KBTBD12: variants seen among roughly 807,000 people sequenced by gnomAD.
KBTBD12 encodes the protein kelch repeat and BTB domain containing 12, also known as kelch repeat and BTB domain-containing protein 12.
A neutral mutation model predicts 58.7 loss-of-function variants in KBTBD12; 53 were observed. The observed-to-expected ratio is 0.90, with a 90% confidence interval of 0.72 to 1.14. KBTBD12 has a LOEUF of 1.14. Ranked by LOEUF, KBTBD12 falls within the 50% of genes most tolerant of loss-of-function variation. The pLI, the probability that KBTBD12 is intolerant of heterozygous loss-of-function variation, is 0.00. For synonymous variants in KBTBD12, 236 were observed against 259.8 expected, an observed-to-expected ratio of 0.91 and a Z score of 0.88; for missense variants, 704 against 751.3, an observed-to-expected ratio of 0.94 and a Z score of 0.74.
rs56216317 is a variant in KBTBD12, at chr3:127,945,164, C to CTTTTTT, written c.1492+14914_1492+14919dup. Reference sequence around the variant, plus strand: ...TGTTTTTTTTAAAAATAGTAGCTATCTTTTTTTTTTTTTTTTTTTTTTTTT... The same window carrying CTTTTTT: ...TGTTTTTTTTAAAAATAGTAGCTATCTTTTTTTTTTTTTTTTTTTTTTTTTTTTTTT... On this transcript the variant is annotated intron_variant, in intron 4 of 5. Coordinates refer to ENST00000405109, the MANE Select transcript of KBTBD12 (RefSeq NM_207335.4). Among the ~76,000 whole-genome samples, 177 of 28,770 alleles carry CTTTTTT rather than the reference C, an allele frequency of 6.2e-3. 69 individuals are homozygous for CTTTTTT. The highest frequency in any genetic ancestry group is 0.021 in the East Asian group (21 of 980). 18.9% of individuals were successfully genotyped at this position (28,770 alleles called of 152,430 possible).
intron 5 of KBTBD12, among the ~76,000 whole-genome samples, chr3:127,975,384 A>ATCTG (rs1940766066): frequency 6.6e-6 from 1 of 152,336 alleles, no homozygotes; most frequent in African/African-American, 2.4e-5. Context: ...TATGGCTGAC[A>ATCTG]TCTGGTATGT....
intron 4 of KBTBD12, among the ~76,000 whole-genome samples, chr3:127,938,584 T>C (rs1939877385): frequency 6.6e-6 from 1 of 152,156 alleles, no homozygotes; most frequent in South Asian, 2.1e-4. Context: ...TACCAACAAT[T>C]ATATTAAATG....
Position 127,984,084 on chromosome 3 carries a change from T to C in KBTBD12, c.1691-13T>C. 1 of 1,609,960 alleles carries C rather than the reference T, an allele frequency of 6.2e-7. No individual in the cohort carries two copies. The highest frequency in any genetic ancestry group is 8.5e-7 in the Non-Finnish European group (1 of 1,177,584). ...ACATGAGATTTTTGTCTTCCCACTT[T>C]GCTGTTTTTCAGATCGCCATGAGGT... On this transcript the variant is annotated splice_polypyrimidine_tract_variant and intron_variant, in intron 5 of 5. Transcript: ENST00000405109.
intron 1 of KBTBD12, among the ~76,000 whole-genome samples, chr3:127,917,658 A>G (rs2107584199): frequency 6.6e-6 from 1 of 152,336 alleles, no homozygotes; most frequent in Non-Finnish European, 1.5e-5. Flanking sequence ...TAGTGTACAG[A>G]AAGGTATTTA....
intron 2 of KBTBD12, among the ~76,000 whole-genome samples, 181 bp downstream of exon 2, chr3:127,924,312 TTA>T (rs201049678): frequency 8.8e-5 from 13 of 148,146 alleles, no homozygotes; most frequent in East Asian, 3.9e-4. Context: ...GTGTATACAT[TTA>T]TATATATATA....
chr3:127,961,163 G>C (rs1019714495), intron 4 of KBTBD12, among the ~76,000 whole-genome samples: 1 of 152,072 alleles, frequency 6.6e-6, no homozygotes, highest in Non-Finnish European at 1.5e-5. Flanking sequence ...TACCTTATGG[G>C]TGATTGCTTG....
intron 5 of KBTBD12, among the ~76,000 whole-genome samples, chr3:127,981,997 G>A (rs1940882038): frequency 6.6e-6 from 1 of 152,074 alleles, no homozygotes; most frequent in African/African-American, 2.4e-5. Context: ...CCATAAAATT[G>A]TTAAATAGGC....
chr3:127,973,393 G>C (rs1480787344), intron 5 of KBTBD12, among the ~76,000 whole-genome samples: 1 of 152,184 alleles, frequency 6.6e-6, no homozygotes, highest in Admixed American at 6.5e-5. Flanking sequence ...TAATAACAAA[G>C]TATAATGTGT....
intron 5 of KBTBD12, among the ~76,000 whole-genome samples, chr3:127,966,263 A>C (rs143216169): frequency 6.6e-6 from 1 of 152,202 alleles, no homozygotes; most frequent in Non-Finnish European, 1.5e-5. Context: ...ACCAGCCCCC[A>C]ACTAAGGCAA....
intron 4 of KBTBD12, among the ~76,000 whole-genome samples, chr3:127,937,332 C>A (rs540002158): frequency 2.0e-5 from 3 of 152,006 alleles, no homozygotes; most frequent in South Asian, 2.1e-4. Flanking sequence ...AGAGAATGAT[C>A]AAAAATGTTT....
Position 127,923,725 on chromosome 3 carries a change from T to C in KBTBD12, c.664T>C (p.Leu222=), listed in dbSNP as rs1225501512. 6.2e-7 allele frequency: 1 copy of C among 1,613,770 alleles called. No individual in the cohort carries two copies. Among genetic ancestry groups the C allele is most frequent in the Non-Finnish European group, 8.5e-7 (1 of 1,179,838 alleles). ...HLVELLKQVR[L]ELVNPSFLRQ... ...TGTTGAGCTTTTGAAGCAAGTCAGA[T>C]TGGAACTTGTAAATCCTTCTTTTTT... Residue 222 remains leucine, a synonymous_variant, in exon 2 of 6, where the codon TTG becomes CTG. Transcript: ENST00000405109.
rs561962783 is a variant in KBTBD12, at chr3:127,963,228, G to T, written c.1532G>T (p.Arg511Leu). The T allele has an allele frequency of 3.7e-6, 6 of 1,612,020 alleles. No homozygotes were observed. In the African/African-American group the frequency reaches 8.0e-5, roughly 22 times the overall value. The change falls in exon 5 of 6, where the codon CGA (arginine) becomes CTA (leucine). Residue 511 changes from arginine to leucine, a missense_variant. Arg to Leu is a moderately radical substitution (Grantham distance 102, BLOSUM62 -2). Coordinates refer to ENST00000405109, the MANE Select transcript of KBTBD12 (RefSeq NM_207335.4). ...GTAGGTCAAGACAAGGGCCAGGTTC[G>T]AAAATGCCTTGACGTGGTGGAGATC... ...GCVGQDKGQV[R>L]KCLDVVEIYN... is the part of the protein sequence containing the mutation.
intron 5 of KBTBD12, among the ~76,000 whole-genome samples, chr3:127,974,675 A>G (rs1384742906): frequency 1.3e-5 from 2 of 152,128 alleles, no homozygotes; most frequent in Non-Finnish European, 2.9e-5. Context: ...TTATTTTCCA[A>G]TTAAGTTTCC....
intron 5 of KBTBD12, among the ~76,000 whole-genome samples, chr3:127,982,436 C>A (rs1486396246): frequency 1.3e-5 from 2 of 152,052 alleles, no homozygotes; most frequent in East Asian, 3.9e-4. Context: ...GGGCCAGGCA[C>A]CAGGCAACTA....
intron 5 of KBTBD12, among the ~76,000 whole-genome samples, chr3:127,978,002 T>TA (rs1193117852): frequency 1.3e-5 from 2 of 152,230 alleles, no homozygotes; most frequent in African/African-American, 4.8e-5. Context: ...TTGATTTTTG[T>TA]ATATGGCGTA....
In KBTBD12 at chr3:127,943,919, G is replaced by C. The variant is rs563031196; in HGVS notation, c.1492+13636G>C. On this transcript the variant is annotated intron_variant, in intron 4 of 5. Coordinates refer to ENST00000405109, the MANE Select transcript of KBTBD12 (RefSeq NM_207335.4). ...TTGCATGTGGATATTCATTTTTCCT[G>C]ACATCATTTATTGAAGAGACTGTCC... is the stretch of plus-strand genomic sequence containing the variant. Among the ~76,000 whole-genome samples, 437 of 152,188 alleles carry C rather than the reference G, an allele frequency of 2.9e-3. 4 individuals carry two copies. Among genetic ancestry groups the C allele is most frequent in the African/African-American group, 0.01 (426 of 41,528 alleles).
At chr3:127,957,235 A>G (rs1447869399) in intron 4 of KBTBD12, among the ~76,000 whole-genome samples, 1 of 152,242 alleles carries the variant, frequency 6.6e-6, no homozygotes, top group Non-Finnish European at 1.5e-5. Context: ...CAAGATAAAT[A>G]TGCCAAAGAC....
chr3:127,951,010 G>T (rs1940193321), intron 4 of KBTBD12, among the ~76,000 whole-genome samples: 1 of 152,092 alleles, frequency 6.6e-6, no homozygotes, highest in African/African-American at 2.4e-5. Context: ...CCTGGGCAAC[G>T]AGCAAAACTC....
At chr3:127,982,568 T>C (rs1940891531) in intron 5 of KBTBD12, among the ~76,000 whole-genome samples, 1 of 152,232 alleles carries the variant, frequency 6.6e-6, no homozygotes, top group Non-Finnish European at 1.5e-5. Context: ...GTCTTCTGCC[T>C]CGTGCCTCTG....
Sources: gnomAD v4.1 joint callset for allele counts (sites outside exome capture counted in the v4.1 genomes callset) on GRCh38, gnomAD v4.1.1 for gene constraint, MANE v1.5 for transcripts, NCBI Gene and HGNC (gene_info 2026-07-23, HGNC 2026-07-21) for gene names.